FN1: variants seen among roughly 807,000 people sequenced by gnomAD.
FN1 encodes fibronectin 1, also known as fibronectin.
In FN1, 106 loss-of-function variants were observed where a neutral mutation model predicts 297.3. The ratio of observed to expected loss-of-function variants is 0.36; its 90% CI spans 0.30 to 0.42. The LOEUF is 0.42. Among genes scored for constraint, FN1 ranks in the 10% least tolerant of loss-of-function variants. The pLI is 1.00. For missense variants in FN1, 2,690 were observed against 3,124.9 expected, an observed-to-expected ratio of 0.86 and a Z score of 3.32; for synonymous variants, 1,149 against 1,152.6, an observed-to-expected ratio of 1.00 and a Z score of 0.06.
chr2:215,384,383 ATTACAGTTAGCGC>A (rs2058633586), intron 29 of FN1, 199 bp from the exon 30 acceptor site: 1 of 594,124 alleles, frequency 1.7e-6, no homozygotes, highest in South Asian at 2.0e-5. Context: ...TTGAGAGAAA[ATTACAGTTAGCGC>A]TGTTTTAACA....
chr2:215,387,070 T>C, intron 27 of FN1, 112 bp from the exon 28 acceptor site: 1 of 903,252 alleles, frequency 1.1e-6, no homozygotes, highest in South Asian at 1.6e-5. Context: ...TTCGTTCCTG[T>C]CTCATCAATA....
At chr2:215,362,156 G>A in intron 44 of FN1, 77 bp from the exon 45 acceptor site, 1 of 1,117,424 alleles carries the variant, frequency 8.9e-7, no homozygotes, top group Non-Finnish European at 1.3e-6. Context: ...TTGAGTTAAA[G>A]AAAAATGTCA....
chr2:215,389,840 T>C (rs368183969), intron 26 of FN1, among the ~76,000 whole-genome samples: 1 of 152,136 alleles, frequency 6.6e-6, no homozygotes, highest in South Asian at 2.1e-4. Flanking sequence ...GTAGAGCCTT[T>C]GACACACCTA....
intron 6 of FN1, 38 bp downstream of exon 6, chr2:215,428,142 C>CT: frequency 6.2e-7 from 1 of 1,611,904 alleles, no homozygotes; most frequent in Non-Finnish European, 8.5e-7. Flanking sequence ...TCTTGACCTG[C>CT]TTCCCCATTT....
chr2:215,384,512 CAG>C (rs35437250), intron 29 of FN1: 109,892 of 394,380 alleles, frequency 0.28, 18,675 homozygotes, highest in East Asian at 0.8. Context: ...AAACTTTTAA[CAG>C]AATACATTCC....
chr2:215,397,851 A>G lies in FN1; in HGVS notation c.3349-3T>C, dbSNP rs553582144. The G allele has an allele frequency of 3.7e-6, 6 of 1,613,906 alleles. No individual in the cohort carries two copies. The highest frequency in any genetic ancestry group is 2.2e-5 in the East Asian group (1 of 44,872). The stretch of plus-strand genomic sequence containing the variant: ...CCCTGGCTTGGTCGTACACCCAGCT[A>G]GAGGAAGGAATGCAAAGTAAACACC... On this transcript the variant is annotated splice_polypyrimidine_tract_variant and splice_region_variant and intron_variant, in intron 21 of 45. Transcript: ENST00000354785.
At chr2:215,398,334 G>A (rs1372966475) in intron 21 of FN1, among the ~76,000 whole-genome samples, 3 of 152,162 alleles carry the variant, frequency 2.0e-5, no homozygotes, top group Non-Finnish European at 4.4e-5. Flanking sequence ...AGCTTCAACT[G>A]CAGGATGATA....
At position 215,436,021 on chromosome 2, in the gene FN1, C is replaced by T; in HGVS notation, c.-219G>A. ...GCTGCAGGTCCCCTCTTCCCGCTCG[C>T]GCCTGGGGTTCCCTCTCCTCCCCCT... On this transcript the variant is annotated 5_prime_UTR_variant, in exon 1 of 46. Coordinates refer to ENST00000354785, the MANE Select transcript of FN1 (RefSeq NM_212482.4). 1.9e-6 allele frequency: 2 copies of T among 1,033,872 alleles called. No individual in the cohort carries two copies. Among genetic ancestry groups the T allele is most frequent in the Non-Finnish European group, 2.7e-6 (2 of 741,936 alleles). 64.0% of individuals were successfully genotyped at this position (1,033,872 alleles called of 1,614,324 possible). A position where few individuals can be genotyped will look rare whatever the true frequency, so the allele number is the denominator to read the frequency against.
At chr2:215,432,386 A>G (rs1195938109) in intron 3 of FN1, among the ~76,000 whole-genome samples, 1 of 152,228 alleles carries the variant, frequency 6.6e-6, no homozygotes, top group East Asian at 1.9e-4. Flanking sequence ...ACCCTAGGAT[A>G]GAAATGTCAT....
intron 36 of FN1, among the ~76,000 whole-genome samples, chr2:215,376,200 A>C (rs745479254): frequency 1.3e-5 from 2 of 152,098 alleles, no homozygotes; most frequent in Non-Finnish European, 1.5e-5. Flanking sequence ...ACTGTTTTTT[A>C]TTTCTTTTAG....
intron 3 of FN1, 60 bp downstream of exon 3, chr2:215,433,264 T>C (rs2066850232): frequency 6.3e-7 from 1 of 1,593,832 alleles, no homozygotes. Flanking sequence ...ATGACAGTGA[T>C]GGTAACAGAG....
chr2:215,408,291 C>A lies in FN1; in HGVS notation c.2428+7G>T, dbSNP rs767106272. Reference sequence around the variant, plus strand: ...GATTCTTTTAACACTATGTAGCACACATGTACCTGTTGTTTGTGAAGTAGA... The same window carrying A: ...GATTCTTTTAACACTATGTAGCACAAATGTACCTGTTGTTTGTGAAGTAGA... On this transcript the variant is annotated splice_region_variant and intron_variant, in intron 16 of 45. Coordinates refer to ENST00000354785, the MANE Select transcript of FN1 (RefSeq NM_212482.4). The A allele has an allele frequency of 6.2e-7, 1 of 1,614,028 alleles. No homozygotes were observed. The highest frequency in any genetic ancestry group is 1.7e-5 in the Admixed American group (1 of 59,990).
At position 215,393,300 on chromosome 2, in the gene FN1, T is replaced by C. The variant is rs2059928723; in HGVS notation, c.3797-97A>G. On this transcript the variant is annotated intron_variant, in intron 24 of 45. Coordinates refer to ENST00000354785, the MANE Select transcript of FN1 (RefSeq NM_212482.4). ...GCAGTGTATATCAGGTTACTAGTAG[T>C]AAAATTGGTGGAATGTTAAAGCAAT... 3 of 1,196,798 alleles carry C rather than the reference T, an allele frequency of 2.5e-6. No individual in the cohort carries two copies. The Admixed American group carries it at 6.9e-5, about 27-fold the overall frequency. 74.1% of individuals were successfully genotyped at this position (1,196,798 alleles called of 1,614,324 possible).
intron 16 of FN1, 40 bp from the exon 17 acceptor site, chr2:215,408,237 C>G (rs768610560): frequency 1.9e-6 from 3 of 1,613,252 alleles, no homozygotes; most frequent in Non-Finnish European, 2.5e-6. Context: ...TCAGGAAGTG[C>G]TACTACAGGC....
At position 215,436,029 on chromosome 2, in the gene FN1, G is replaced by A. The variant is rs2067420230; in HGVS notation, c.-227C>T. On this transcript the variant is annotated 5_prime_UTR_variant, in exon 1 of 46. Coordinates refer to ENST00000354785, the MANE Select transcript of FN1 (RefSeq NM_212482.4). ...TCCCCTCTTCCCGCTCGCGCCTGGGGTTCCCTCTCCTCCCCCTGTGCAGCA... is the reference window on the plus strand; with the variant it reads ...TCCCCTCTTCCCGCTCGCGCCTGGGATTCCCTCTCCTCCCCCTGTGCAGCA... 1.2e-5 allele frequency: 11 copies of A among 951,102 alleles called. No homozygotes were observed. In the South Asian group the frequency reaches 1.7e-4, roughly 15 times the overall value. 58.9% of individuals were successfully genotyped at this position (951,102 alleles called of 1,614,324 possible).
rs1250242 is a variant in FN1, at chr2:215,431,534, G to C, written c.547+299C>G. ...TCTTTTAAATAAATTATATCTTGAC[G>C]AAGGAGGAATCTGAGATCAGCTATT... On this transcript the variant is annotated intron_variant, in intron 4 of 45. Coordinates refer to ENST00000354785, the MANE Select transcript of FN1 (RefSeq NM_212482.4). 0.77 allele frequency among the ~76,000 whole-genome samples: 117,863 copies of C among 152,146 alleles called. 45,970 individuals carry two copies. The highest frequency in any genetic ancestry group is 0.93 in the East Asian group (4,799 of 5,178).
At chr2:215,371,882 T>G in intron 40 of FN1, 27 bp downstream of exon 40, 43 of 1,575,100 alleles carry the variant, frequency 2.7e-5, no homozygotes, top group Non-Finnish European at 3.5e-5. Flanking sequence ...TGCTGCCCCA[T>G]GAGAAGTGAA....
In FN1 at chr2:215,391,626, GCTTA is replaced by G; in HGVS notation, c.4252+2_4252+5del. 1 of 1,609,262 alleles carries G rather than the reference GCTTA, an allele frequency of 6.2e-7. No homozygotes were observed. Among genetic ancestry groups the G allele is most frequent in the Non-Finnish European group, 8.5e-7 (1 of 1,175,626 alleles). On this transcript the variant is annotated splice_donor_variant and splice_donor_5th_base_variant and intron_variant, in intron 26 of 45. Transcript: ENST00000354785. LOFTEE classifies it high-confidence loss of function. ...ATTTATGGAACAGATACATTCAACT[GCTTA>G]CTTGTTAAGACCACTGCATTGTCTG...
rs777294756 is a variant in FN1 at position 215,409,693 on chromosome 2, G to A, written c.2169C>T (p.Ala723=). Residue 723 remains alanine (A), a synonymous_variant, in exon 15 of 46, where the codon GCC becomes GCT. Coordinates refer to ENST00000354785, the MANE Select transcript of FN1 (RefSeq NM_212482.4). ...TGATTTCGGTCACAGATTCAGAAGTGGCCACAAGAGGAGAAAAGGGAGTCG... is the reference window on the plus strand; with the variant it reads ...TGATTTCGGTCACAGATTCAGAAGTAGCCACAAGAGGAGAAAAGGGAGTCG... ...GETTPFSPLV[A]TSESVTEITA... 6.2e-7 allele frequency: 1 copy of A among 1,613,986 alleles called. No individual in the cohort carries two copies. Among genetic ancestry groups the A allele is most frequent in the South Asian group, 1.1e-5 (1 of 91,062 alleles).
Sources: gnomAD v4.1 joint callset for allele counts (sites outside exome capture counted in the v4.1 genomes callset) on GRCh38, gnomAD v4.1.1 for gene constraint, MANE v1.5 for transcripts, NCBI Gene and HGNC (gene_info 2026-07-23, HGNC 2026-07-21) for gene names.